KRT7: variants seen among roughly 807,000 people sequenced by gnomAD.
KRT7 encodes the protein keratin 7.
A neutral mutation model predicts 42.8 loss-of-function variants in KRT7; 50 were observed. That is an observed-to-expected ratio of 1.17 (90% CI 0.93 to 1.48). The LOEUF is 1.48. Ranked by LOEUF, KRT7 falls within the 40% of genes most tolerant of loss-of-function variation. The pLI, the probability that KRT7 is intolerant of heterozygous loss-of-function variation, is 0.00. For synonymous variants in KRT7, 268 were observed against 266.3 expected (o/e 1.01, Z -0.06); for missense variants, 588 against 637.6 (o/e 0.92, Z 0.84).
At chr12:52,253,628 G>A (rs757536635), downstream of KRT7, 18 of 1,561,574 alleles carry the variant, frequency 1.2e-5, no homozygotes, top group Admixed American at 8.6e-5. Context: ...ACTCGGCCTC[G>A]GCCCGGCTGC....
rs764950547 is a variant in KRT7 at position 52,237,555 on chromosome 12, G to A, written c.583G>A (p.Val195Met). The A allele has an allele frequency of 1.2e-6, 2 of 1,611,782 alleles. No individual in the cohort carries two copies. Among genetic ancestry groups the A allele is most frequent in the Admixed American group, 3.3e-5 (2 of 59,848 alleles). Residue 195 changes from valine to methionine, a missense_variant, in exon 3 of 9, where the codon GTG becomes ATG. Physicochemically the swap from Val to Met is conservative, Grantham distance 21 (BLOSUM62 1). Transcript: ENST00000331817. ...NHRTAAENEF[V>M]VLKKDVDAAY... ...CCGCACAGCTGCTGAGAATGAGTTT[G>A]TGGTGCTGAAGAAGGTGAGTGGGAA...
downstream of KRT7, chr12:52,253,498 C>T (rs1942297871): frequency 6.4e-6 from 10 of 1,561,618 alleles, no homozygotes; most frequent in Non-Finnish European, 8.7e-6. Context: ...CTTATCTTCC[C>T]ATCCGTAGGG....
Position 52,241,452 on chromosome 12 carries a change from G to A in KRT7, c.694-20G>A. The A allele has an allele frequency of 1.3e-6, 2 of 1,589,884 alleles. No individual in the cohort carries two copies. Among genetic ancestry groups the A allele is most frequent in the Non-Finnish European group, 1.7e-6 (2 of 1,166,176 alleles). ...ATAGGATCCTGCCCTAAGTCCTGATGTCCCGTCTGGTCCCTACAGGAGTTG... is the reference window on the plus strand; with the variant it reads ...ATAGGATCCTGCCCTAAGTCCTGATATCCCGTCTGGTCCCTACAGGAGTTG... On this transcript the variant is annotated intron_variant, in intron 4 of 8. Coordinates refer to ENST00000331817, the MANE Select transcript of KRT7 (RefSeq NM_005556.4).
At chr12:52,250,558 C>T (rs1045655647), downstream of KRT7, 13 of 1,240,840 alleles carry the variant, frequency 1.0e-5, no homozygotes, top group Non-Finnish European at 1.4e-5. Flanking sequence ...CTGCAGGGGG[C>T]ACTGCAGACG....
downstream of KRT7, chr12:52,251,894 G>A (rs189625155): frequency 5.8e-5 from 25 of 432,698 alleles, no homozygotes; most frequent in Middle Eastern, 3.4e-4. Context: ...ACATGACAAC[G>A]GAGTGGAGCA....
In KRT7 at chr12:52,242,986, C is replaced by T. The variant is rs762972892; in HGVS notation, c.859-26C>T. The T allele has an allele frequency of 1.9e-6, 3 of 1,598,108 alleles. No individual in the cohort carries two copies. The African/African-American group carries it at 4.0e-5, about 22-fold the overall frequency. ...CTGTACTCACTGCCCATCTCTCTGC[C>T]ATAACTCTCTGTATGGCCCCTCCAG... On this transcript the variant is annotated intron_variant, in intron 5 of 8. Coordinates refer to ENST00000331817, the MANE Select transcript of KRT7 (RefSeq NM_005556.4).
chr12:52,252,053 C>T (rs777772376), downstream of KRT7: 4 of 759,080 alleles, frequency 5.3e-6, no homozygotes, highest in Non-Finnish European at 9.1e-6. Context: ...AACGCCCTCA[C>T]ACAACCTTAT....
At chr12:52,241,337 GC>G (rs1439719803) in intron 4 of KRT7, 134 bp from the exon 5 acceptor site, 1 of 700,960 alleles carries the variant, frequency 1.4e-6, no homozygotes, top group East Asian at 2.8e-5. Context: ...CTGGGTCTGG[GC>G]CCCCTTGCTG....
At chr12:52,253,874 A>G (rs1039433423), downstream of KRT7, 1 of 428,506 alleles carries the variant, frequency 2.3e-6, no homozygotes, top group Non-Finnish European at 4.7e-6. Context: ...CGATGTCTGA[A>G]GCCCCACCCT....
chr12:52,240,395 C>G lies in KRT7; in HGVS notation c.694-1077C>G, dbSNP rs371957459. Among the ~76,000 whole-genome samples the G allele has an allele frequency of 1.9e-4, 29 of 152,142 alleles. No homozygotes were observed. In the East Asian group the frequency reaches 2.7e-3, roughly 14 times the overall value. Reference sequence around the variant, plus strand: ...CTGTAATCCCAGTAGTTTGGGAGGCCGAGGTGAGTGGATCACCTGATGTCA... The same window carrying G: ...CTGTAATCCCAGTAGTTTGGGAGGCGGAGGTGAGTGGATCACCTGATGTCA... On this transcript the variant is annotated intron_variant, in intron 4 of 8. Transcript: ENST00000331817.
chr12:52,237,633 C>A, intron 3 of KRT7, 64 bp downstream of exon 3: 1 of 1,408,940 alleles, frequency 7.1e-7, no homozygotes, highest in Non-Finnish European at 9.9e-7. Context: ...ACCACAGGAT[C>A]CTCTCACCTG....
At chr12:52,243,178 T>G in intron 6 of KRT7, 41 bp downstream of exon 6, 1 of 1,582,454 alleles carries the variant, frequency 6.3e-7, no homozygotes, top group Non-Finnish European at 8.6e-7. Context: ...ACTTGGGGCA[T>G]GCAGGGGTGG....
Position 52,238,683 on chromosome 12 carries a change from G to A in KRT7, c.601G>A (p.Val201Met). 1 of 1,611,832 alleles carries A rather than the reference G, an allele frequency of 6.2e-7. No individual in the cohort carries two copies. Among genetic ancestry groups the A allele is most frequent in the East Asian group, 2.2e-5 (1 of 44,878 alleles). The change falls in exon 4 of 9, where the codon GTG becomes ATG. Residue 201 changes from valine to methionine, a missense_variant. Physicochemically the swap from Val to Met is conservative, Grantham distance 21 (BLOSUM62 1). Transcript: ENST00000331817. ...ENEFVVLKKD[V>M]DAAYMSKVEL... Reference sequence around the variant, plus strand: ...CCCATCTTGCCCCAACCCCCAGGATGTGGATGCTGCCTACATGAGCAAGGT... The same window carrying A: ...CCCATCTTGCCCCAACCCCCAGGATATGGATGCTGCCTACATGAGCAAGGT...
At chr12:52,253,430 G>C (rs1250533853), downstream of KRT7, 2 of 1,557,802 alleles carry the variant, frequency 1.3e-6, no homozygotes, top group Admixed American at 1.7e-5. Context: ...GCAGTGCTCA[G>C]CCTGTGCAAC....
At chr12:52,244,360 C>T in intron 6 of KRT7, 1 of 985,624 alleles carries the variant, frequency 1.0e-6, no homozygotes, top group Non-Finnish European at 1.2e-6. Context: ...CGGTTCTCCT[C>T]TCACACAACA....
At chr12:52,249,442 G>A (rs776488483), downstream of KRT7, 1 of 152,542 alleles carries the variant, frequency 6.6e-6, no homozygotes, top group Non-Finnish European at 1.5e-5. Context: ...GTGGTTGTGG[G>A]GGGGAGGTGT....
chr12:52,244,092 G>A (rs879315890), intron 6 of KRT7, among the ~76,000 whole-genome samples: 1 of 152,224 alleles, frequency 6.6e-6, no homozygotes, highest in African/African-American at 2.4e-5. Flanking sequence ...TGGAGAGAGG[G>A]GGAGGGCACA....
chr12:52,242,883 A>T, intron 5 of KRT7, 129 bp from the exon 6 acceptor site: 1 of 1,056,970 alleles, frequency 9.5e-7, no homozygotes, highest in Non-Finnish European at 1.3e-6. Context: ...CATCGGGCAA[A>T]GGTTGATGGG....
At chr12:52,241,685 C>A in intron 5 of KRT7, 49 bp downstream of exon 5, 1 of 1,518,166 alleles carries the variant, frequency 6.6e-7, no homozygotes, top group Non-Finnish European at 9.0e-7. Context: ...TCCTTGGTGG[C>A]AGCTTCCCTT....
Sources: allele counts gnomAD v4.1 joint callset (sites outside exome capture counted in the v4.1 genomes callset), GRCh38; gene constraint gnomAD v4.1.1; transcripts MANE v1.5; gene names NCBI Gene and HGNC (gene_info 2026-07-23, HGNC 2026-07-21).